The following CSMD1 variants were observed in gnomAD, a reference collection of about 807,000 sequenced individuals.
CSMD1 encodes CUB and sushi domain-containing protein 1.
Under a neutral mutation model 417.5 loss-of-function variants are expected in CSMD1, and 213 were observed. The ratio of observed to expected loss-of-function variants is 0.51; its 90% CI spans 0.46 to 0.57. The LOEUF is 0.57. CSMD1 is among the 20% of genes least tolerant of loss of function. The pLI, the probability that CSMD1 is intolerant of heterozygous loss-of-function variation, is 0.00. For synonymous variants in CSMD1, 2,862 were observed against 1,736.8 expected, an observed-to-expected ratio of 1.65 and a Z score of -16.11; for missense variants, 6,923 against 4,529.7, an observed-to-expected ratio of 1.53 and a Z score of -15.17.
At chr8:3,830,973 C>T (rs747566644) in intron 5 of CSMD1, among the ~76,000 whole-genome samples, 15 of 152,132 alleles carry the variant, frequency 9.9e-5, no homozygotes, top group Non-Finnish European at 1.8e-4. Context: ...GGACGATTAA[C>T]ACATGGTCAC....
At chr8:4,588,816 C>T (rs934676883) in intron 2 of CSMD1, among the ~76,000 whole-genome samples, 1 of 120,350 alleles carries the variant, frequency 8.3e-6, no homozygotes, top group Non-Finnish European at 1.9e-5. Flanking sequence ...AAAAGAAACT[C>T]TACTCTGTGC....
chr8:3,774,097 A>G (rs971914419), intron 5 of CSMD1, among the ~76,000 whole-genome samples: 1 of 152,142 alleles, frequency 6.6e-6, no homozygotes, highest in African/African-American at 2.4e-5. Context: ...TCTTGTCTAA[A>G]TATGTCCGCA....
At chr8:3,399,276 T>C (rs1811889527) in intron 16 of CSMD1, 115 bp downstream of exon 16, 3 of 882,644 alleles carry the variant, frequency 3.4e-6, no homozygotes, top group Non-Finnish European at 5.1e-6. Flanking sequence ...TAAAGTGTGC[T>C]CCTATGCGGG....
chr8:3,257,430 C>T (rs73185592), intron 26 of CSMD1, among the ~76,000 whole-genome samples: 13,868 of 152,204 alleles, frequency 0.091, 869 homozygotes, highest in Non-Finnish European at 0.13. Flanking sequence ...GTTAGATTCT[C>T]AAGGGAGGAG....
At chr8:2,966,817 C>G (rs1563189596) in intron 57 of CSMD1, 71 bp from the exon 58 acceptor site, 1 of 1,406,824 alleles carries the variant, frequency 7.1e-7, no homozygotes, top group Non-Finnish European at 9.9e-7. Flanking sequence ...CACAAGAGAC[C>G]AATGGGTATC....
At chr8:4,907,356 G>C (rs1398753871) in intron 1 of CSMD1, among the ~76,000 whole-genome samples, 1 of 152,132 alleles carries the variant, frequency 6.6e-6, no homozygotes, top group Non-Finnish European at 1.5e-5. Context: ...CAAAAAGCTT[G>C]GGCTCCTAAA....
chr8:3,032,235 T>A (rs1810388580), intron 50 of CSMD1, among the ~76,000 whole-genome samples: 1 of 151,968 alleles, frequency 6.6e-6, no homozygotes, highest in Admixed American at 6.6e-5. Context: ...TAATATTTTT[T>A]AAGAATGATA....
chr8:3,976,771 T>A (rs1490684800), intron 5 of CSMD1, among the ~76,000 whole-genome samples: 1 of 152,194 alleles, frequency 6.6e-6, no homozygotes, highest in African/African-American at 2.4e-5. Flanking sequence ...GAGAATGAAA[T>A]TCTTCAGGCT....
intron 3 of CSMD1, among the ~76,000 whole-genome samples, chr8:4,108,593 C>A (rs1038649934): frequency 3.3e-5 from 5 of 152,192 alleles, no homozygotes; most frequent in Admixed American, 6.5e-5. Flanking sequence ...GATTTCCACA[C>A]GGCAACAGCA....
At chr8:4,935,478 T>C (rs1807552114) in intron 1 of CSMD1, among the ~76,000 whole-genome samples, 2 of 152,234 alleles carry the variant, frequency 1.3e-5, no homozygotes, top group Admixed American at 6.5e-5. Context: ...AAACTAAGTC[T>C]TTCAGTGTGA....
chr8:3,325,590 G>A (rs1181841171), intron 23 of CSMD1, among the ~76,000 whole-genome samples: 2 of 152,218 alleles, frequency 1.3e-5, no homozygotes, highest in East Asian at 1.9e-4. Context: ...TTGGGAGGCC[G>A]AGGCGGGCAA....
intron 3 of CSMD1, among the ~76,000 whole-genome samples, chr8:4,321,298 G>C (rs144688572): frequency 6.6e-6 from 1 of 152,210 alleles, no homozygotes; most frequent in Non-Finnish European, 1.5e-5. Flanking sequence ...AGCTGACCCA[G>C]TCTCTTGCCT....
intron 1 of CSMD1, among the ~76,000 whole-genome samples, chr8:4,913,497 C>G (rs1445249499): frequency 6.6e-6 from 1 of 152,080 alleles, no homozygotes; most frequent in Non-Finnish European, 1.5e-5. Flanking sequence ...ATGAAAACTA[C>G]CCCCATATGT....
chr8:4,567,739 T>A (rs1798684606), intron 2 of CSMD1, among the ~76,000 whole-genome samples: 2 of 152,120 alleles, frequency 1.3e-5, no homozygotes, highest in South Asian at 2.1e-4. Flanking sequence ...ATATATGCTA[T>A]CTACATTGCA....
chr8:3,361,151 T>G, intron 20 of CSMD1, among the ~76,000 whole-genome samples: 1 of 152,220 alleles, frequency 6.6e-6, no homozygotes, highest in East Asian at 1.9e-4. Flanking sequence ...CAATGTCATT[T>G]AATTGAACTC....
intron 1 of CSMD1, among the ~76,000 whole-genome samples, chr8:4,857,510 A>T (rs1379786054): frequency 6.6e-6 from 1 of 152,248 alleles, no homozygotes; most frequent in Non-Finnish European, 1.5e-5. Context: ...CAAAATTGAT[A>T]GACCGCTAGC....
intron 3 of CSMD1, among the ~76,000 whole-genome samples, chr8:4,337,926 T>C (rs1008225168): frequency 4.6e-5 from 7 of 152,156 alleles, no homozygotes; most frequent in African/African-American, 1.7e-4. Context: ...AAATCGTTTA[T>C]CATTTAATGA....
chr8:3,046,873 C>T (rs866334987), intron 50 of CSMD1, among the ~76,000 whole-genome samples: 1 of 152,178 alleles, frequency 6.6e-6, no homozygotes, highest in Non-Finnish European at 1.5e-5. Context: ...CCTAGGATTG[C>T]TATTCTAATT....
At chr8:3,711,392 G>A (rs138636758) in intron 6 of CSMD1, among the ~76,000 whole-genome samples, 39 of 152,234 alleles carry the variant, frequency 2.6e-4, no homozygotes, top group South Asian at 2.1e-4. Flanking sequence ...TCTTCAGCCC[G>A]TTTCAGAGAA....
Sources: gnomAD v4.1 joint callset for allele counts (sites outside exome capture counted in the v4.1 genomes callset) on GRCh38, gnomAD v4.1.1 for gene constraint, MANE v1.5 for transcripts, NCBI Gene and HGNC (gene_info 2026-07-23, HGNC 2026-07-21) for gene names.